Variants in CUX1 observed in about 807,000 individuals in gnomAD.
CUX1 encodes cut like homeobox 1.
In CUX1, 31 loss-of-function variants were observed where a neutral mutation model predicts 158.8. The ratio of observed to expected loss-of-function variants is 0.20; its 90% CI spans 0.15 to 0.26. CUX1 has a LOEUF of 0.26. Ranked by LOEUF, CUX1 falls within the 10% of genes least tolerant of loss-of-function variation. The probability of loss-of-function intolerance (pLI) is 1.00; values close to 1 mark genes in which losing one functional copy is unlikely to be tolerated. For missense variants in CUX1, 1,589 were observed against 2,014.6 expected, an observed-to-expected ratio of 0.79 and a Z score of 4.04; for synonymous variants, 879 against 862.1, an observed-to-expected ratio of 1.02 and a Z score of -0.34.
Position 101,869,704 on chromosome 7 carries a change from G to A in CUX1, c.31-46411G>A, listed in dbSNP as rs920059563. Among the ~76,000 whole-genome samples the A allele has an allele frequency of 6.6e-6, 1 of 152,168 alleles. No individual in the cohort carries two copies. The highest frequency in any genetic ancestry group is 1.5e-5 in the Non-Finnish European group (1 of 68,016). ...CCATGGAAGACGGCAGGACACACGT[G>A]CGAGCCACAGCAGGTGGGCGGGAGC... On this transcript the variant is annotated intron_variant, in intron 1 of 23. Transcript: ENST00000292535. The surrounding 1 kb of genome is among the most constrained non-coding windows in gnomAD (Gnocchi z 4.5).
intron 2 of CUX1, among the ~76,000 whole-genome samples, chr7:101,966,789 G>A (rs1010660295): frequency 1.3e-5 from 2 of 152,058 alleles, no homozygotes; most frequent in African/African-American, 4.8e-5. Context: ...AAATACACGT[G>A]GGACTTCCCT....
chr7:102,257,878 A>G lies in CUX1; in HGVS notation c.*8836A>G. On this transcript the variant is annotated 3_prime_UTR_variant, in exon 24 of 24. Transcript: ENST00000292535. ...AGACCCAATTGACCAAAAAAGAAAA[A>G]AGGAAAAAAAAAAAGTCGTCTTTTT... 1 of 984,622 alleles carries G rather than the reference A, an allele frequency of 1.0e-6. No individual in the cohort carries two copies. The highest frequency in any genetic ancestry group is 1.2e-6 in the Non-Finnish European group (1 of 829,648). The allele number at this position is 984,622 out of a possible 1,614,324, so 61.0% of individuals were successfully genotyped here. A position where few individuals can be genotyped will look rare whatever the true frequency, so the allele number is the denominator to read the frequency against.
chr7:102,022,353 C>T (rs887076304), intron 2 of CUX1, among the ~76,000 whole-genome samples: 1 of 152,146 alleles, frequency 6.6e-6, no homozygotes, highest in Non-Finnish European at 1.5e-5. Flanking sequence ...CACAGTAGCA[C>T]ACGCCTGTAA....
In CUX1 at chr7:102,248,913, C is replaced by A. The variant is rs185988286; in HGVS notation, c.4389C>A (p.Pro1463=). 1.1e-3 allele frequency: 1,571 copies of A among 1,451,374 alleles called. 6 individuals are homozygous for A. The highest frequency in any genetic ancestry group is 1.1e-3 in the Non-Finnish European group (1,237 of 1,097,142). The allele number at this position is 1,451,374 out of a possible 1,614,324, so 89.9% of individuals were successfully genotyped here. The change falls in exon 24 of 24, where the codon CCC becomes CCA. Residue 1463 remains proline, a synonymous_variant. Coordinates refer to ENST00000292535, the MANE Select transcript of CUX1 (RefSeq NM_181552.4). The surrounding 1 kb of genome is among the most constrained non-coding windows in gnomAD (Gnocchi z 5.8). The part of the protein sequence containing the change: ...PSSLQSLFGL[P]EAAGARDSRD... ...CGCTGCAGAGCCTTTTCGGCCTCCC[C>A]GAGGCCGCGGGCGCCCGGGACTCGC...
At chr7:102,020,340 A>G (rs760715591) in intron 2 of CUX1, among the ~76,000 whole-genome samples, 56 of 152,328 alleles carry the variant, frequency 3.7e-4, no homozygotes, top group African/African-American at 6.5e-4. Context: ...CGGTTTCAGT[A>G]TCCTGGAACA....
intron 2 of CUX1, among the ~76,000 whole-genome samples, chr7:101,974,147 C>T (rs182739959): frequency 6.6e-6 from 1 of 151,380 alleles, no homozygotes; most frequent in Admixed American, 6.6e-5. Context: ...CTCACTGCAA[C>T]GTCCACCTCC....
intron 6 of CUX1, among the ~76,000 whole-genome samples, chr7:102,109,485 A>C (rs542502085): frequency 6.6e-6 from 1 of 152,320 alleles, no homozygotes; most frequent in South Asian, 2.1e-4. Context: ...TTCACTATCT[A>C]TCAAAACAAG....
chr7:101,868,386 C>G (rs1298882483), intron 1 of CUX1, among the ~76,000 whole-genome samples: 3 of 152,230 alleles, frequency 2.0e-5, no homozygotes, highest in African/African-American at 7.2e-5. Context: ...GCCTCCTCCC[C>G]TGGGCTGCTG....
chr7:102,152,772 G>A (rs1349985184), intron 8 of CUX1, among the ~76,000 whole-genome samples: 2 of 152,114 alleles, frequency 1.3e-5, no homozygotes, highest in Non-Finnish European at 2.9e-5. Flanking sequence ...GTGGTTTCTG[G>A]TCCCTTCTGT....
rs1312600448 is a variant in CUX1 at position 102,093,360 on chromosome 7, AT to A, written c.269-3998del. The stretch of plus-strand genomic sequence containing the variant: ...ACCACCATGCCCGGCTAATTTTTGT[AT>A]TTTTTCCAGAGACAGGGTCTCACTT... On this transcript the variant is annotated intron_variant, in intron 4 of 23. Coordinates refer to ENST00000292535, the MANE Select transcript of CUX1 (RefSeq NM_181552.4). Among the ~76,000 whole-genome samples, 6 of 151,522 alleles carry A rather than the reference AT, an allele frequency of 4.0e-5. No individual in the cohort carries two copies. In the East Asian group the frequency reaches 1.2e-3, roughly 30 times the overall value.
At position 102,001,001 on chromosome 7, in the gene CUX1, C is replaced by G. The variant is rs193202391; in HGVS notation, c.142-27097C>G. Among the ~76,000 whole-genome samples the G allele has an allele frequency of 3.9e-5, 6 of 151,900 alleles. No homozygotes were observed. In the East Asian group the frequency reaches 1.2e-3, roughly 30 times the overall value. ...CTTTGTTGCCCAGGCTGGTCTTGAA[C>G]TCATGGGCCTCAAGTAATCATCCCA... On this transcript the variant is annotated intron_variant, in intron 2 of 23. Transcript: ENST00000292535.
intron 4 of CUX1, among the ~76,000 whole-genome samples, chr7:102,084,159 T>G (rs2130776999): frequency 6.9e-6 from 1 of 145,346 alleles, no homozygotes; most frequent in East Asian, 1.9e-4. Context: ...GTGCTAGGAT[T>G]ACAGGTGCGA....
At chr7:102,129,506 A>G (rs552366929) in intron 8 of CUX1, among the ~76,000 whole-genome samples, 16 of 152,222 alleles carry the variant, frequency 1.1e-4, no homozygotes, top group African/African-American at 3.9e-4. Flanking sequence ...CAACATGGTA[A>G]AACCCTGTCT....
At chr7:102,055,434 T>C (rs1210036183) in intron 3 of CUX1, among the ~76,000 whole-genome samples, 1 of 152,214 alleles carries the variant, frequency 6.6e-6, no homozygotes, top group Admixed American at 6.5e-5. Context: ...TGTCACACTT[T>C]GGTAATTCCC....
rs782773815 is a variant in CUX1, at chr7:102,201,949, C to T, written c.2652C>T (p.Ser884=). The change falls in exon 18 of 24, where the codon AGC becomes AGT. Residue 884 remains serine (S), a synonymous_variant. Coordinates refer to ENST00000292535, the MANE Select transcript of CUX1 (RefSeq NM_181552.4). This position sits in a 1 kb window ranked among gnomAD's most constrained non-coding sequence, Gnocchi z 5.0. ...CAGAGTACTGGAAGGAGTGGCCCAG[C>T]GCTGAGTCCCCATACTCCCAGAGCT... ...SSSEYWKEWP[S]AESPYSQSSE... is the part of the protein sequence containing the mutation. The T allele has an allele frequency of 2.5e-6, 4 of 1,614,074 alleles. No individual in the cohort carries two copies. The highest frequency in any genetic ancestry group is 4.5e-5 in the East Asian group (2 of 44,870).
intron 2 of CUX1, among the ~76,000 whole-genome samples, chr7:101,991,330 G>A (rs865939476): frequency 2.5e-4 from 38 of 152,362 alleles, no homozygotes; most frequent in African/African-American, 7.9e-4. Flanking sequence ...AAGCCAGGGC[G>A]CGTAGCAGAT....
intron 2 of CUX1, among the ~76,000 whole-genome samples, chr7:101,976,335 T>C: frequency 6.6e-6 from 1 of 152,180 alleles, no homozygotes; most frequent in Non-Finnish European, 1.5e-5. Flanking sequence ...AGGGATCTGT[T>C]TTTTCCCCCA....
chr7:102,221,222 C>T (rs573157310), intron 20 of CUX1, among the ~76,000 whole-genome samples: 95 of 152,366 alleles, frequency 6.2e-4, no homozygotes, highest in African/African-American at 2.2e-3. Flanking sequence ...TGTTTGGGTT[C>T]TTGTCAGAAT....
At chr7:101,942,577 C>T (rs2129140896) in intron 2 of CUX1, among the ~76,000 whole-genome samples, 1 of 152,216 alleles carries the variant, frequency 6.6e-6, no homozygotes, top group Non-Finnish European at 1.5e-5. Context: ...ATCCTCCCAC[C>T]TCAGCCTCCC....
Sources: allele counts gnomAD v4.1 joint callset (sites outside exome capture counted in the v4.1 genomes callset), GRCh38; gene constraint gnomAD v4.1.1; non-coding constraint Gnocchi (gnomAD v3.1); transcripts MANE v1.5; gene names NCBI Gene and HGNC (gene_info 2026-07-23, HGNC 2026-07-21).